The following MYO9A variants were observed in gnomAD, a reference collection of about 807,000 sequenced individuals.
MYO9A encodes the protein myosin IXA, also known as unconventional myosin-IXa.
In MYO9A, 103 loss-of-function variants were observed where a neutral mutation model predicts 293.3. The observed-to-expected ratio is 0.35, with a 90% CI of 0.30 to 0.41. The LOEUF (loss-of-function observed/expected upper bound fraction) is 0.41. Ranked by LOEUF, MYO9A falls within the 10% of genes least tolerant of loss-of-function variation. The probability of loss-of-function intolerance (pLI) is 1.00; values close to 1 mark genes in which losing one functional copy is unlikely to be tolerated. For synonymous variants in MYO9A, 1,001 were observed against 1,035.7 expected, an observed-to-expected ratio of 0.97 and a Z score of 0.64; for missense variants, 2,685 against 3,033.0, an observed-to-expected ratio of 0.89 and a Z score of 2.69.
At chr15:72,005,753 A>G (rs1417517786) in intron 8 of MYO9A, among the ~76,000 whole-genome samples, 1 of 152,216 alleles carries the variant, frequency 6.6e-6, no homozygotes, top group East Asian at 1.9e-4. Flanking sequence ...GCTCTCAAAG[A>G]GCACTGGAGC....
At chr15:72,024,569 G>A (rs1160002006) in intron 4 of MYO9A, among the ~76,000 whole-genome samples, 1 of 152,080 alleles carries the variant, frequency 6.6e-6, no homozygotes, top group Admixed American at 6.5e-5. Context: ...CACTGCACCT[G>A]GCCTATTTTT....
chr15:72,101,389 C>T (rs1185890490), intron 1 of MYO9A, among the ~76,000 whole-genome samples: 9 of 135,126 alleles, frequency 6.7e-5, no homozygotes, highest in Middle Eastern at 4.8e-3. Context: ...AGGTGAGGGG[C>T]GCCTCTGCCT....
intron 39 of MYO9A, among the ~76,000 whole-genome samples, chr15:71,836,056 C>T (rs768071521): frequency 5.9e-5 from 9 of 151,906 alleles, no homozygotes; most frequent in Non-Finnish European, 4.4e-5. Context: ...CATTAAAATC[C>T]AGAACCTGTG....
intron 19 of MYO9A, among the ~76,000 whole-genome samples, chr15:71,913,046 C>T (rs1452764117): frequency 6.6e-6 from 1 of 151,346 alleles, no homozygotes; most frequent in African/African-American, 2.4e-5. Context: ...AAATATTTTG[C>T]TCATTATTTC....
chr15:72,054,678 C>CAAAAAAAAAA, intron 1 of MYO9A, among the ~76,000 whole-genome samples: 1 of 63,926 alleles, frequency 1.6e-5, no homozygotes, highest in Non-Finnish European at 2.7e-5. Flanking sequence ...GACTCTGTCT[C>CAAAAAAAAAA]AAAAAAAAAA....
chr15:71,902,918 A>C (rs2057525248), intron 22 of MYO9A, 23 bp downstream of exon 22: 3 of 1,438,996 alleles, frequency 2.1e-6, no homozygotes, highest in African/African-American at 1.5e-5. Flanking sequence ...AATTTTGACC[A>C]GAGCTATACA....
At chr15:72,047,867 A>T (rs11072341) in intron 1 of MYO9A, among the ~76,000 whole-genome samples, 135,501 of 145,706 alleles carry the variant, frequency 0.93, 63,233 homozygotes, top group Non-Finnish European at 0.97. Context: ...ACCCTCCATC[A>T]CCCGGGCTCA....
intron 1 of MYO9A, among the ~76,000 whole-genome samples, chr15:72,109,082 T>G (rs1232100231): frequency 6.6e-6 from 1 of 151,970 alleles, no homozygotes; most frequent in African/African-American, 2.4e-5. Flanking sequence ...TTTCAAAAGG[T>G]TCTGCAAAAA....
intron 31 of MYO9A, among the ~76,000 whole-genome samples, chr15:71,877,677 C>T (rs1311556063): frequency 1.3e-5 from 2 of 152,172 alleles, no homozygotes; most frequent in East Asian, 1.9e-4. Flanking sequence ...AGGCTGGTCT[C>T]GAACTCCTGA....
chr15:71,861,270 T>C (rs1011846365), intron 33 of MYO9A, among the ~76,000 whole-genome samples: 1 of 151,064 alleles, frequency 6.6e-6, no homozygotes, highest in Non-Finnish European at 1.5e-5. Flanking sequence ...CCTTTCCTAG[T>C]ATTTGCTTCA....
Position 71,991,172 on chromosome 15 carries a change from C to T in MYO9A, c.1653G>A (p.Gln551=). The T allele has an allele frequency of 1.2e-6, 2 of 1,608,542 alleles. No individual in the cohort carries two copies. Among genetic ancestry groups the T allele is most frequent in the South Asian group, 2.2e-5 (2 of 90,050 alleles). The change falls in exon 11 of 42, where the codon CAG becomes CAA. Residue 551 remains glutamine (Q), a synonymous_variant. Transcript: ENST00000356056. ...FEDYENNSFE[Q]FCINFANERL... Reference sequence around the variant, plus strand: ...GTTCATTAGCAAAATTAATACAGAACTGTTCAAAGCTGTTATTTTCATAAT... The same window carrying T: ...GTTCATTAGCAAAATTAATACAGAATTGTTCAAAGCTGTTATTTTCATAAT...
At chr15:72,026,624 G>GA (rs909114660) in intron 4 of MYO9A, among the ~76,000 whole-genome samples, 4 of 150,838 alleles carry the variant, frequency 2.7e-5, no homozygotes, top group East Asian at 1.9e-4. Context: ...TAGGAAATAG[G>GA]AAAAAAAATA....
At chr15:71,893,054 C>CA in intron 26 of MYO9A, 1 of 1,289,872 alleles carries the variant, frequency 7.8e-7, no homozygotes, top group Non-Finnish European at 1.0e-6. Context: ...AGAAGGGGCT[C>CA]AATAATGTCA....
At chr15:72,118,185 TCGGCCCCGCC>T, upstream of MYO9A, 1 of 360,822 alleles carries the variant, frequency 2.8e-6, no homozygotes, top group Non-Finnish European at 4.9e-6. Context: ...CCAGCACGGG[TCGGCCCCGCC>T]CTGTCCCGCC....
At chr15:71,998,371 A>G (rs899281537) in intron 9 of MYO9A, among the ~76,000 whole-genome samples, 2 of 152,160 alleles carry the variant, frequency 1.3e-5, no homozygotes, top group African/African-American at 4.8e-5. Context: ...GGGTGACGAA[A>G]TAATCTCTAC....
At position 71,822,531 on chromosome 15, in the gene MYO9A, A is replaced by G. The variant is rs2054315753; in HGVS notation, c.*4049T>C. 1 of 152,228 alleles carries G rather than the reference A, an allele frequency of 6.6e-6. No individual in the cohort carries two copies. The highest frequency in any genetic ancestry group is 1.5e-5 in the Non-Finnish European group (1 of 68,040). The allele number at this position is 152,228 out of a possible 1,614,324, so 9.4% of individuals were successfully genotyped here. ...TGAGATAAATCATTCTTCTTATAGA[A>G]TTATTCTATTAAACAGTAAAATGTT... On this transcript the variant is annotated 3_prime_UTR_variant, in exon 42 of 42. Coordinates refer to ENST00000356056, the MANE Select transcript of MYO9A (RefSeq NM_006901.4).
Position 71,898,443 on chromosome 15 carries a change from A to G in MYO9A, c.4060T>C (p.Leu1354=). 6.2e-7 allele frequency: 1 copy of G among 1,613,994 alleles called. No individual in the cohort carries two copies. The highest frequency in any genetic ancestry group is 8.5e-7 in the Non-Finnish European group (1 of 1,180,024). Reference sequence around the variant, plus strand: ...GATATCTTAGGTGATGGAAACTGCAAGTCTCCTTCATCTGAAATGACAGAC... The same window carrying G: ...GATATCTTAGGTGATGGAAACTGCAGGTCTCCTTCATCTGAAATGACAGAC... ...LESVISDEGD[L]QFPSPKISSS... Residue 1354 remains leucine, a synonymous_variant, in exon 25 of 42, where the codon TTG becomes CTG. Coordinates refer to ENST00000356056, the MANE Select transcript of MYO9A (RefSeq NM_006901.4).
Position 71,854,129 on chromosome 15 carries a change from A to C in MYO9A, c.6346+248T>G, listed in dbSNP as rs571036525. Among the ~76,000 whole-genome samples the C allele has an allele frequency of 4.0e-4, 61 of 152,310 alleles. No individual in the cohort carries two copies. In the Middle Eastern group the frequency reaches 0.017, roughly 42 times the overall value. ...AATCAGAGGTATCACAATCTTACTAAATTATTACAAAAATTAAATGAGATC... is the reference window on the plus strand; with the variant it reads ...AATCAGAGGTATCACAATCTTACTACATTATTACAAAAATTAAATGAGATC... On this transcript the variant is annotated intron_variant, in intron 35 of 41. Transcript: ENST00000356056.
At position 71,899,588 on chromosome 15, in the gene MYO9A, A is replaced by T. The variant is rs1242593205; in HGVS notation, c.3470+99T>A. On this transcript the variant is annotated intron_variant, in intron 24 of 41. Coordinates refer to ENST00000356056, the MANE Select transcript of MYO9A (RefSeq NM_006901.4). Reference sequence around the variant, plus strand: ...ATAGTGGAAAAGACAAATTGTATACAACCAATTCTAATACAAATTAGACAA... The same window carrying T: ...ATAGTGGAAAAGACAAATTGTATACTACCAATTCTAATACAAATTAGACAA... 1.3e-5 allele frequency: 14 copies of T among 1,080,008 alleles called. No individual in the cohort carries two copies. In the East Asian group the frequency reaches 2.9e-4, roughly 23 times the overall value. 66.9% of individuals were successfully genotyped at this position (1,080,008 alleles called of 1,614,324 possible).
Sources: gnomAD v4.1 joint callset for allele counts (sites outside exome capture counted in the v4.1 genomes callset) on GRCh38, gnomAD v4.1.1 for gene constraint, MANE v1.5 for transcripts, NCBI Gene and HGNC (gene_info 2026-07-23, HGNC 2026-07-21) for gene names.